The following RBFOX1 variants were observed in gnomAD, a reference collection of about 807,000 sequenced individuals.
RBFOX1 encodes RNA binding protein fox-1 homolog 1.
Under a neutral mutation model 57.7 loss-of-function variants are expected in RBFOX1, and 8 were observed. That is an observed-to-expected ratio of 0.14 (90% CI 0.08 to 0.25). RBFOX1 has a LOEUF of 0.25. Ranked by LOEUF, RBFOX1 falls within the 10% of genes least tolerant of loss-of-function variation. The probability of loss-of-function intolerance (pLI) is 1.00; values close to 1 mark genes in which losing one functional copy is unlikely to be tolerated. For synonymous variants in RBFOX1, 326 were observed against 222.4 expected (o/e 1.47, Z -4.15); for missense variants, 611 against 548.5 (o/e 1.11, Z -1.14).
intron 3 of RBFOX1, among the ~76,000 whole-genome samples, chr16:6,761,693 G>C (rs2076628145): frequency 6.6e-6 from 1 of 151,406 alleles, no homozygotes; most frequent in Non-Finnish European, 1.5e-5. Flanking sequence ...TTTTAGTAGA[G>C]ACGAGGTTTC....
intron 3 of RBFOX1, among the ~76,000 whole-genome samples, chr16:6,750,371 C>T (rs2074689883): frequency 6.6e-6 from 1 of 152,154 alleles, no homozygotes; most frequent in Non-Finnish European, 1.5e-5. Flanking sequence ...TATTTAGGCA[C>T]TTAATTGCAA....
intron 3 of RBFOX1, among the ~76,000 whole-genome samples, chr16:6,986,078 G>A (rs532243535): frequency 6.6e-6 from 1 of 151,456 alleles, no homozygotes; most frequent in East Asian, 1.9e-4. Context: ...TTTTAAAAAT[G>A]TGCAATATTT....
intron 2 of RBFOX1, among the ~76,000 whole-genome samples, chr16:6,650,774 G>C (rs893401362): frequency 6.6e-6 from 1 of 152,130 alleles, no homozygotes; most frequent in Non-Finnish European, 1.5e-5. Flanking sequence ...TAAATCACCA[G>C]CTTCTCATAT....
chr16:5,340,160 T>G (rs948415488), intron 1 of RBFOX1, among the ~76,000 whole-genome samples: 18 of 152,184 alleles, frequency 1.2e-4, no homozygotes, highest in Non-Finnish European at 2.2e-4. Context: ...CCAACTTGCT[T>G]AAGGCTGAAT....
chr16:7,003,321 G>A (rs556311048), intron 3 of RBFOX1, among the ~76,000 whole-genome samples: 27 of 152,138 alleles, frequency 1.8e-4, no homozygotes, highest in Admixed American at 4.6e-4. Flanking sequence ...TTAGCTGGGC[G>A]TGATGGTGAG....
chr16:5,728,815 C>T (rs2052250838), intron 3 of RBFOX1, among the ~76,000 whole-genome samples: 1 of 152,156 alleles, frequency 6.6e-6, no homozygotes, highest in African/African-American at 2.4e-5. Context: ...TTTCTTCCCT[C>T]CCCACCTCCA....
At chr16:7,582,329 C>CA (rs775096049) in intron 6 of RBFOX1, among the ~76,000 whole-genome samples, 68 of 152,160 alleles carry the variant, frequency 4.5e-4, no homozygotes, top group African/African-American at 1.6e-3. Context: ...CATCTGTGTC[C>CA]CTTTTTTTAA....
intron 2 of RBFOX1, among the ~76,000 whole-genome samples, chr16:5,483,843 C>T (rs948005633): frequency 6.6e-6 from 1 of 152,030 alleles, no homozygotes; most frequent in Non-Finnish European, 1.5e-5. Flanking sequence ...TGTGGGGTGC[C>T]CTGCCTCAAG....
At chr16:6,209,634 A>T (rs938388635) in intron 1 of RBFOX1, among the ~76,000 whole-genome samples, 4 of 152,184 alleles carry the variant, frequency 2.6e-5, no homozygotes, top group Non-Finnish European at 5.9e-5. Flanking sequence ...CTAAAACTCA[A>T]CTTGCTTTTC....
chr16:7,115,459 G>A (rs942876800), intron 4 of RBFOX1, among the ~76,000 whole-genome samples: 4 of 152,222 alleles, frequency 2.6e-5, no homozygotes, highest in African/African-American at 7.2e-5. Context: ...GCTGTGGACT[G>A]AGAGTCCGAA....
intron 4 of RBFOX1, among the ~76,000 whole-genome samples, chr16:7,194,533 A>G (rs1483156902): frequency 8.5e-5 from 13 of 152,176 alleles, no homozygotes; most frequent in Admixed American, 8.5e-4. Flanking sequence ...AAATTACCAA[A>G]CAGATACTCA....
intron 3 of RBFOX1, among the ~76,000 whole-genome samples, chr16:6,679,180 C>A (rs532408623): frequency 1.3e-5 from 2 of 152,194 alleles, no homozygotes; most frequent in East Asian, 1.9e-4. Context: ...GTCTGAGTCT[C>A]CATCTATTTA....
At chr16:7,640,988 C>T (rs2062695727) in intron 11 of RBFOX1, among the ~76,000 whole-genome samples, 1 of 151,446 alleles carries the variant, frequency 6.6e-6, no homozygotes, top group Admixed American at 6.6e-5. Context: ...TTGCTTGGTT[C>T]TTGGAATGTA....
intron 1 of RBFOX1, among the ~76,000 whole-genome samples, chr16:6,051,801 T>C (rs767560047): frequency 2.6e-5 from 4 of 152,178 alleles, no homozygotes; most frequent in Non-Finnish European, 4.4e-5. Flanking sequence ...TGACCTCAGG[T>C]GATCCACCCA....
intron 2 of RBFOX1, among the ~76,000 whole-genome samples, chr16:5,475,617 T>C (rs2069294312): frequency 6.6e-6 from 1 of 152,228 alleles, no homozygotes; most frequent in African/African-American, 2.4e-5. Context: ...TAGCAGGTGC[T>C]GTGCTTAAGC....
chr16:5,393,401 C>G (rs944105813), intron 1 of RBFOX1, among the ~76,000 whole-genome samples: 14 of 152,202 alleles, frequency 9.2e-5, no homozygotes, highest in African/African-American at 2.9e-4. Context: ...AGGTTGATCT[C>G]CCTTCTGCTT....
chr16:7,640,904 T>A (rs1463622466), intron 11 of RBFOX1, among the ~76,000 whole-genome samples: 6 of 147,164 alleles, frequency 4.1e-5, no homozygotes, highest in Non-Finnish European at 3.0e-5. Context: ...GGATTTACAT[T>A]AAAAAAAAAA....
intron 1 of RBFOX1, among the ~76,000 whole-genome samples, chr16:5,424,144 A>C (rs1025403079): frequency 4.6e-5 from 7 of 152,206 alleles, no homozygotes; most frequent in African/African-American, 1.7e-4. Context: ...ATGGTTAATA[A>C]ACTAAAGAGC....
chr16:7,494,346 T>C (rs1346589674), intron 4 of RBFOX1, among the ~76,000 whole-genome samples: 1 of 152,130 alleles, frequency 6.6e-6, no homozygotes, highest in African/African-American at 2.4e-5. Context: ...CTTCCTACCA[T>C]TGGCGGCTAG....
Sources: allele counts gnomAD v4.1 joint callset (sites outside exome capture counted in the v4.1 genomes callset), GRCh38; gene constraint gnomAD v4.1.1; transcripts MANE v1.5; gene names NCBI Gene and HGNC (gene_info 2026-07-23, HGNC 2026-07-21).